Variants in PSG8 observed in about 807,000 individuals in gnomAD.
PSG8 encodes the protein pregnancy-specific beta-1-glycoprotein 8.
PSG8 carries 57 observed loss-of-function variants against 42.5 expected under a neutral mutation model. The ratio of observed to expected loss-of-function variants is 1.34; its 90% confidence interval spans 1.08 to 1.67. The LOEUF (loss-of-function observed/expected upper bound fraction) is 1.67. PSG8 is among the 40% of genes most tolerant of loss of function. The pLI is 0.00. For synonymous variants in PSG8, 280 were observed against 196.8 expected, an observed-to-expected ratio of 1.42 and a Z score of -3.54; for missense variants, 783 against 518.6, an observed-to-expected ratio of 1.51 and a Z score of -4.95.
chr19:42,763,058 C>T (rs1475170463), intron 2 of PSG8, among the ~76,000 whole-genome samples: 1 of 152,166 alleles, frequency 6.6e-6, no homozygotes, highest in Non-Finnish European at 1.5e-5. Context: ...TTCATGCTAT[C>T]TGTGAATAAA....
chr19:42,756,951 A>G (rs1969942065), intron 3 of PSG8, among the ~76,000 whole-genome samples: 1 of 151,844 alleles, frequency 6.6e-6, no homozygotes, highest in African/African-American at 2.4e-5. Flanking sequence ...AACAATATTG[A>G]TTCCTCCAAT....
chr19:42,752,697 T>G (rs1268690554), downstream of PSG8: 3 of 159,532 alleles, frequency 1.9e-5, no homozygotes, highest in East Asian at 1.8e-4. Flanking sequence ...TATTAGCAAA[T>G]GTGGTACATG....
Position 42,764,265 on chromosome 19 carries a change from G to T in PSG8, c.81C>A (p.Phe27Leu). Residue 27 changes from phenylalanine (F) to leucine (L), a missense_variant, in exon 2 of 5, where the codon TTC becomes TTA. By Grantham distance (22) the Phe-to-Leu change is conservative (BLOSUM62 0). Transcript: ENST00000306511. ...CTTGGGCAGTCGTGGGTGGGTTCCAGAAGTTTAAAAGTGATGCTAGGAGGT... is the reference window on the plus strand; with the variant it reads ...CTTGGGCAGTCGTGGGTGGGTTCCATAAGTTTAAAAGTGATGCTAGGAGGT... The part of the protein sequence containing the change: ...GLLLTASLLN[F>L]WNPPTTAQVT... The T allele has an allele frequency of 6.2e-7, 1 of 1,613,430 alleles. No homozygotes were observed. The highest frequency in any genetic ancestry group is 8.5e-7 in the Non-Finnish European group (1 of 1,179,642).
chr19:42,765,552 T>C lies in PSG8; in HGVS notation c.30A>G (p.Thr10=), dbSNP rs62112127. 0.32 allele frequency: 503,219 copies of C among 1,581,688 alleles called. 90,935 individuals are homozygous for C. The highest frequency in any genetic ancestry group is 0.68 in the African/African-American group (49,617 of 73,492). MGLLSAPPC[T]QRITWKGLLL... ...GGAGCCCCTTCCAGGTGATGCGCTG[T>C]GTGCAGGGAGGGGCTGAGAGGAGCC... Residue 10 remains threonine, a synonymous_variant, in exon 1 of 5, where the codon ACA becomes ACG. Transcript: ENST00000306511.
rs1368257769 is a variant in PSG8, at chr19:42,757,978, C to G, written c.709+24G>C. 11 of 1,613,864 alleles carry G rather than the reference C, an allele frequency of 6.8e-6. No homozygotes were observed. The African/African-American group carries it at 1.5e-4, about 22-fold the overall frequency. On this transcript the variant is annotated intron_variant, in intron 3 of 4. Transcript: ENST00000306511. ...GTGTATTTGGGATGGCAGCCTGGCT[C>G]ACAGAGGAACAGAAAATACTCACGG...
At chr19:42,754,944 T>G (rs748864677) in intron 4 of PSG8, 44 bp downstream of exon 4, 6 of 1,578,692 alleles carry the variant, frequency 3.8e-6, no homozygotes, top group Non-Finnish European at 4.3e-6. Flanking sequence ...GTCGTTTTGA[T>G]TTAAGCTGGT....
At chr19:42,760,020 T>A (rs1356927661) in intron 2 of PSG8, among the ~76,000 whole-genome samples, 1 of 152,184 alleles carries the variant, frequency 6.6e-6, no homozygotes, top group Admixed American at 6.5e-5. Context: ...ATGTGTGTTA[T>A]GTTAGTAAAT....
At chr19:42,764,597 G>A (rs538477557) in intron 1 of PSG8, among the ~76,000 whole-genome samples, 3 of 152,052 alleles carry the variant, frequency 2.0e-5, no homozygotes, top group African/African-American at 7.2e-5. Flanking sequence ...CTGCCCTCAG[G>A]TCCTGCTCAC....
At chr19:42,754,934 G>A in intron 4 of PSG8, 54 bp downstream of exon 4, 1 of 1,576,306 alleles carries the variant, frequency 6.3e-7, no homozygotes, top group Non-Finnish European at 8.6e-7. Flanking sequence ...CTGGCCTCTG[G>A]TCGTTTTGAT....
In PSG8 at chr19:42,764,032, G is replaced by A. The variant is rs761102569; in HGVS notation, c.314C>T (p.Ala105Val). Residue 105 changes from alanine to valine, a missense_variant, in exon 2 of 5, where the codon GCA (alanine) becomes GTA (valine). Ala to Val is a moderately conservative substitution (Grantham distance 64). Transcript: ENST00000306511. ...GGTGACATTCTGGATCAGCAGGGAT[G>A]CATTGGAATATATTGTTTCTCGTCC... ...YSGRETIYSN[A>V]SLLIQNVTQE... The A allele has an allele frequency of 1.9e-6, 3 of 1,613,654 alleles. No individual in the cohort carries two copies. Among genetic ancestry groups the A allele is most frequent in the South Asian group, 1.1e-5 (1 of 91,068 alleles).
intron 2 of PSG8, among the ~76,000 whole-genome samples, chr19:42,760,042 T>C (rs1232497497): frequency 6.6e-6 from 1 of 152,152 alleles, no homozygotes; most frequent in Non-Finnish European, 1.5e-5. Context: ...TAGAAAGAAC[T>C]CCCTGCTTCT....
At chr19:42,765,193 C>G (rs1970185811) in intron 1 of PSG8, among the ~76,000 whole-genome samples, 1 of 149,614 alleles carries the variant, frequency 6.7e-6, no homozygotes, top group African/African-American at 2.5e-5. Context: ...CATACTGTCT[C>G]CCAGGCTGGC....
intron 2 of PSG8, among the ~76,000 whole-genome samples, chr19:42,761,030 G>C (rs1470819316): frequency 6.6e-6 from 1 of 151,952 alleles, no homozygotes; most frequent in African/African-American, 2.4e-5. Context: ...CTCCATAGCA[G>C]GTTGAGGATG....
chr19:42,764,175 A>T lies in PSG8; in HGVS notation c.171T>A (p.Asn57Lys), dbSNP rs761266960. 6.2e-7 allele frequency: 1 copy of T among 1,613,840 alleles called. No homozygotes were observed. The highest frequency in any genetic ancestry group is 8.5e-7 in the Non-Finnish European group (1 of 1,179,886). Residue 57 changes from asparagine (N) to lysine (K), a missense_variant, in exon 2 of 5, where the codon AAT becomes AAA. Transcript: ENST00000306511. Reference sequence around the variant, plus strand: ...TGTAGCCAGTAAGATTCTGGGGCAAATTGTGGACAAGTAGAAGAACATCCT... The same window carrying T: ...TGTAGCCAGTAAGATTCTGGGGCAATTTGTGGACAAGTAGAAGAACATCCT... ...EGKDVLLLVH[N>K]LPQNLTGYIW... is the part of the protein sequence containing the mutation.
Position 42,754,596 on chromosome 19 carries a change from A to C in PSG8, c.989-9T>G, listed in dbSNP as rs771829094. On this transcript the variant is annotated splice_polypyrimidine_tract_variant and intron_variant, in intron 4 of 4. Transcript: ENST00000306511. Reference sequence around the variant, plus strand: ...GGGGAGGTCTGGACCATCTGGAGCAAAGAGAATAAAGCCACAGGTGATGTC... The same window carrying C: ...GGGGAGGTCTGGACCATCTGGAGCACAGAGAATAAAGCCACAGGTGATGTC... 4.4e-6 allele frequency: 7 copies of C among 1,609,006 alleles called. No individual in the cohort carries two copies. Among genetic ancestry groups the C allele is most frequent in the Non-Finnish European group, 6.0e-6 (7 of 1,176,428 alleles).
At chr19:42,760,400 C>T (rs1450974562) in intron 2 of PSG8, among the ~76,000 whole-genome samples, 1 of 152,122 alleles carries the variant, frequency 6.6e-6, no homozygotes. Flanking sequence ...TTAAAAATTG[C>T]TATTGTCAAA....
At chr19:42,757,506 G>T (rs1039572192) in intron 3 of PSG8, among the ~76,000 whole-genome samples, 1 of 152,100 alleles carries the variant, frequency 6.6e-6, no homozygotes. Context: ...CTCTGCCAGT[G>T]GGTGAGAGTC....
chr19:42,758,864 C>G (rs146228036), intron 2 of PSG8: 26,393 of 158,176 alleles, frequency 0.17, 3,889 homozygotes, highest in African/African-American at 0.4. Context: ...CACAAGGTGG[C>G]GCAGTTTTCC....
chr19:42,764,983 A>G (rs181115583), intron 1 of PSG8, among the ~76,000 whole-genome samples: 159 of 152,008 alleles, frequency 1.0e-3, no homozygotes, highest in African/African-American at 3.3e-3. Context: ...TTATTATCAT[A>G]TTTCAAAATG....
Sources: allele counts gnomAD v4.1 joint callset (sites outside exome capture counted in the v4.1 genomes callset), GRCh38; gene constraint gnomAD v4.1.1; transcripts MANE v1.5; gene names NCBI Gene and HGNC (gene_info 2026-07-23, HGNC 2026-07-21).